Variants in CA1 observed in about 807,000 individuals in gnomAD.
CA1 encodes carbonic anhydrase 1.
CA1 carries 27 observed loss-of-function variants against 28.8 expected under a neutral mutation model. The observed-to-expected ratio is 0.94, with a 90% confidence interval of 0.69 to 1.29. The LOEUF is 1.29. Ranked by LOEUF, CA1 falls within the 50% of genes most tolerant of loss-of-function variation. CA1 has a pLI of 0.00. For missense variants in CA1, 335 were observed against 310.5 expected (o/e 1.08, Z -0.59); for synonymous variants, 121 against 108.8 (o/e 1.11, Z -0.70).
chr8:85,353,581 T>A (rs1427755630), intron 1 of CA1, among the ~76,000 whole-genome samples: 1 of 152,236 alleles, frequency 6.6e-6, no homozygotes, highest in African/African-American at 2.4e-5. Flanking sequence ...CCTATTACTA[T>A]ACAAAGAGTA....
intron 6 of CA1, among the ~76,000 whole-genome samples, chr8:85,331,076 T>G (rs1178743040): frequency 6.6e-6 from 1 of 152,178 alleles, no homozygotes; most frequent in Non-Finnish European, 1.5e-5. Flanking sequence ...TGAAGTGGTC[T>G]GGGCCTAGTC....
rs1341022087 is a variant in CA1 at position 85,344,190 on chromosome 8, ATATAT to A, written c.-24-2536_-24-2532del. Among the ~76,000 whole-genome samples, 205 of 117,230 alleles carry A rather than the reference ATATAT, an allele frequency of 1.7e-3. 2 individuals are homozygous for A. Among genetic ancestry groups the A allele is most frequent in the African/African-American group, 8.0e-3 (183 of 22,890 alleles). The allele number at this position is 117,230 out of a possible 152,430, so 76.9% of individuals were successfully genotyped here. A position where few individuals can be genotyped will look rare whatever the true frequency, so the allele number is the denominator to read the frequency against. Reference sequence around the variant, plus strand: ...TATATACTGTATATAATATATAATTATATATTATACAGTATATAATATAATTATAT... The same window carrying A: ...TATATACTGTATATAATATATAATTATATACAGTATATAATATAATTATAT... On this transcript the variant is annotated intron_variant, in intron 1 of 7. Coordinates refer to ENST00000523022, the MANE Select transcript of CA1 (RefSeq NM_001128831.4).
chr8:85,332,608 C>T (rs1808455525), intron 5 of CA1, 56 bp from the exon 6 acceptor site: 1 of 1,327,724 alleles, frequency 7.5e-7, no homozygotes, highest in Non-Finnish European at 1.1e-6. Flanking sequence ...TCGAACACTG[C>T]TTAGCTAAAT....
Position 85,338,271 on chromosome 8 carries a change from C to G in CA1, c.216G>C (p.Glu72Asp). 6.2e-7 allele frequency: 1 copy of G among 1,613,848 alleles called. No individual in the cohort carries two copies. Among genetic ancestry groups the G allele is most frequent in the Non-Finnish European group, 8.5e-7 (1 of 1,179,778 alleles). The change falls in exon 3 of 8, where the codon GAG (glutamate) becomes GAC (aspartate). Residue 72 changes from glutamate to aspartate, a missense_variant. Glu to Asp is a conservative substitution (Grantham distance 45). Transcript: ENST00000523022. ...GCTCACCTGATCGGTTATCGTTGTCCTCAAAATTTACATGGAAGGAATGCC... is the reference window on the plus strand; with the variant it reads ...GCTCACCTGATCGGTTATCGTTGTCGTCAAAATTTACATGGAAGGAATGCC... Reference protein sequence around the residue: ...NVGHSFHVNFEDNDNRSVLKG... With the variant: ...NVGHSFHVNFDDNDNRSVLKG...
chr8:85,332,234 C>A, intron 6 of CA1: 1 of 359,800 alleles, frequency 2.8e-6, no homozygotes, highest in South Asian at 5.2e-5. Context: ...ATTTAAATGG[C>A]TATGTAATCT....
chr8:85,344,259 A>AGTATATAATATAATTATATATTATATACT (rs1809070539), intron 1 of CA1, among the ~76,000 whole-genome samples: 1 of 85,578 alleles, frequency 1.2e-5, no homozygotes, highest in African/African-American at 6.8e-5. Context: ...TATTATATAC[A>AGTATATAATATAATTATATATTATATACT]GTATATAATA....
chr8:85,344,421 A>T (rs1028574330), intron 1 of CA1, among the ~76,000 whole-genome samples: 1 of 148,298 alleles, frequency 6.7e-6, no homozygotes, highest in African/African-American at 2.5e-5. Flanking sequence ...TACTAAATTT[A>T]GGGTACTAAA....
intron 1 of CA1, among the ~76,000 whole-genome samples, chr8:85,366,264 C>T (rs777890421): frequency 3.3e-5 from 5 of 149,532 alleles, no homozygotes; most frequent in East Asian, 2.0e-4. Context: ...CCTCCCTCTT[C>T]GGCCTCCCAA....
chr8:85,353,493 GA>G (rs1417252060), intron 1 of CA1, among the ~76,000 whole-genome samples: 1 of 151,842 alleles, frequency 6.6e-6, no homozygotes, highest in East Asian at 1.9e-4. Context: ...TTGCTCTTTC[GA>G]AAAAAATACA....
intron 1 of CA1, among the ~76,000 whole-genome samples, chr8:85,372,222 T>TA (rs1810255356): frequency 6.6e-6 from 1 of 151,232 alleles, no homozygotes; most frequent in Non-Finnish European, 1.5e-5. Flanking sequence ...AGACCCAGGT[T>TA]TTTGGGAGGC....
chr8:85,338,632 TTTTC>T (rs56255763), intron 2 of CA1, among the ~76,000 whole-genome samples, 183 bp from the exon 3 acceptor site: 13,264 of 131,104 alleles, frequency 0.1, 763 homozygotes, highest in Admixed American at 0.18. Flanking sequence ...CTTTCCTTCT[TTTTC>T]TTTCTTTCTT....
intron 6 of CA1, 56 bp from the exon 7 acceptor site, chr8:85,329,900 T>A: frequency 1.5e-6 from 2 of 1,301,146 alleles, no homozygotes; most frequent in Non-Finnish European, 1.1e-6. Context: ...TATGAATATA[T>A]GTGACATATA....
At chr8:85,335,956 C>A (rs1038852878) in intron 4 of CA1, among the ~76,000 whole-genome samples, 1 of 152,162 alleles carries the variant, frequency 6.6e-6, no homozygotes, top group African/African-American at 2.4e-5. Context: ...CTGGAAAAAT[C>A]TATCGTACAT....
chr8:85,363,341 A>C (rs920937334), intron 1 of CA1, among the ~76,000 whole-genome samples: 64 of 152,226 alleles, frequency 4.2e-4, no homozygotes, highest in Non-Finnish European at 1.3e-4. Flanking sequence ...TAACCATTTA[A>C]GAAATACAGA....
At chr8:85,364,010 A>AT (rs530760537) in intron 1 of CA1, among the ~76,000 whole-genome samples, 11 of 149,340 alleles carry the variant, frequency 7.4e-5, no homozygotes, top group South Asian at 2.1e-4. Flanking sequence ...TTTTTATTTT[A>AT]TTTTTTTTTA....
chr8:85,338,721 T>C, intron 2 of CA1, among the ~76,000 whole-genome samples: 1 of 147,968 alleles, frequency 6.8e-6, no homozygotes, highest in Admixed American at 6.7e-5. Context: ...TCTCTCTTTT[T>C]TTTTTTTTTT....
intron 4 of CA1, among the ~76,000 whole-genome samples, 172 bp from the exon 5 acceptor site, chr8:85,333,792 T>C (rs1392904651): frequency 6.6e-6 from 1 of 152,220 alleles, no homozygotes; most frequent in Admixed American, 6.5e-5. Flanking sequence ...TAGGAAGGGT[T>C]ATCTGTGTGC....
Position 85,327,767 on chromosome 8 carries a change from T to G in CA1, c.*793A>C, listed in dbSNP as rs1202783968. 6.6e-6 allele frequency: 1 copy of G among 152,200 alleles called. No homozygotes were observed. Among genetic ancestry groups the G allele is most frequent in the East Asian group, 1.9e-4 (1 of 5,204 alleles). 9.4% of individuals were successfully genotyped at this position (152,200 alleles called of 1,614,324 possible). On this transcript the variant is annotated 3_prime_UTR_variant, in exon 8 of 8. Coordinates refer to ENST00000523022, the MANE Select transcript of CA1 (RefSeq NM_001128831.4). The stretch of plus-strand genomic sequence containing the variant: ...GTGAAGCGCACATCTGACTAAAAGA[T>G]TGCATGATGTTTCTATATGATTCTA...
Position 85,327,700 on chromosome 8 carries a change from G to A in CA1, c.*860C>T, listed in dbSNP as rs2130098675. 1 of 152,202 alleles carries A rather than the reference G, an allele frequency of 6.6e-6. No individual in the cohort carries two copies. The highest frequency in any genetic ancestry group is 2.1e-4 in the South Asian group (1 of 4,818). 9.4% of individuals were successfully genotyped at this position (152,202 alleles called of 1,614,324 possible). On this transcript the variant is annotated 3_prime_UTR_variant, in exon 8 of 8. Coordinates refer to ENST00000523022, the MANE Select transcript of CA1 (RefSeq NM_001128831.4). ...ACACCACACTATACTCCATAAACAT[G>A]TACAATTATTGTGTGTCAATTAAAG...
Sources: allele counts gnomAD v4.1 joint callset (sites outside exome capture counted in the v4.1 genomes callset), GRCh38; gene constraint gnomAD v4.1.1; transcripts MANE v1.5; gene names NCBI Gene and HGNC (gene_info 2026-07-23, HGNC 2026-07-21).